The following TERF2IP variants were observed in gnomAD, a reference collection of about 807,000 sequenced individuals.
TERF2IP encodes telomeric repeat-binding factor 2-interacting protein 1.
TERF2IP carries 35 observed loss-of-function variants against 33.3 expected under a neutral mutation model. The ratio of observed to expected loss-of-function variants is 1.05; its 90% confidence interval spans 0.80 to 1.39. The LOEUF (loss-of-function observed/expected upper bound fraction) is 1.39. TERF2IP is among the 40% of genes most tolerant of loss of function. The probability of loss-of-function intolerance (pLI) is 0.00; values close to 1 mark genes in which losing one functional copy is unlikely to be tolerated. For synonymous variants in TERF2IP, 253 were observed against 223.2 expected (o/e 1.13, Z -1.19); for missense variants, 583 against 524.8 (o/e 1.11, Z -1.08).
rs868075435 is a variant in TERF2IP, at chr16:75,648,175, C to A, written c.293C>A (p.Ala98Asp). The change falls in exon 1 of 3, where the codon GCC becomes GAC. Residue 98 changes from alanine (A) to aspartate (D), a missense_variant. Physicochemically the swap from Ala to Asp is moderately radical, Grantham distance 126 (BLOSUM62 -2). Coordinates refer to ENST00000300086, the MANE Select transcript of TERF2IP (RefSeq NM_018975.4). ...CGCAACGAGAGGCTGGAGCTGGAGG[C>A]CTATCGGCTGGGCCCCGCCTCGGCG... The part of the protein sequence containing the change: ...VERNERLELE[A>D]YRLGPASAAD... 1.3e-6 allele frequency: 2 copies of A among 1,563,856 alleles called. No homozygotes were observed.
chr16:75,653,246 G>A (rs1408071423), intron 1 of TERF2IP, among the ~76,000 whole-genome samples: 2 of 152,120 alleles, frequency 1.3e-5, no homozygotes, highest in African/African-American at 4.8e-5. Flanking sequence ...GTATCTGTTT[G>A]AGACCCTGCT....
intron 1 of TERF2IP, among the ~76,000 whole-genome samples, chr16:75,653,719 A>G (rs916876888): frequency 2.0e-5 from 3 of 152,176 alleles, no homozygotes; most frequent in Non-Finnish European, 4.4e-5. Flanking sequence ...TGATATTTGC[A>G]GAGTTACAAA....
Position 75,656,318 on chromosome 16 carries a change from G to GAAGAAA in TERF2IP, c.911_916dup (p.Glu304_Lys305dup), listed in dbSNP as rs755577884. The GAAGAAA allele has an allele frequency of 1.2e-6, 2 of 1,614,166 alleles. No individual in the cohort carries two copies. The highest frequency in any genetic ancestry group is 2.2e-5 in the South Asian group (2 of 91,082). Reference sequence around the variant, plus strand: ...GCCTGATGAGGAGGAAGAAGAAGAAGAAGAAAAAGTTTCTCAACCAGAGGT... The same window carrying GAAGAAA: ...GCCTGATGAGGAGGAAGAAGAAGAAGAAGAAAAAGAAAAAGTTTCTCAACCAGAGGT... On this transcript the variant is annotated inframe_insertion, in exon 3 of 3. Coordinates refer to ENST00000300086, the MANE Select transcript of TERF2IP (RefSeq NM_018975.4).
At chr16:75,651,726 C>T (rs760480473) in intron 1 of TERF2IP, among the ~76,000 whole-genome samples, 1 of 152,220 alleles carries the variant, frequency 6.6e-6, no homozygotes, top group East Asian at 1.9e-4. Context: ...GTAAATCAGA[C>T]CCTGAGCCTA....
chr16:75,654,181 C>CAAAA, intron 1 of TERF2IP, 92 bp from the exon 2 acceptor site: 1 of 879,860 alleles, frequency 1.1e-6, no homozygotes, highest in Non-Finnish European at 1.5e-6. Flanking sequence ...AAAGTGCAGG[C>CAAAA]TCACTCCTGG....
chr16:75,647,798 T>C lies in TERF2IP; in HGVS notation c.-85T>C. 1 of 1,590,382 alleles carries C rather than the reference T, an allele frequency of 6.3e-7. No homozygotes were observed. The highest frequency in any genetic ancestry group is 8.6e-7 in the Non-Finnish European group (1 of 1,161,594). ...AGTGCTGCGCTTCGCGGCAGAGGCGTCTGCGGTGACAGCTCAGTCAGTTGA... is the reference window on the plus strand; with the variant it reads ...AGTGCTGCGCTTCGCGGCAGAGGCGCCTGCGGTGACAGCTCAGTCAGTTGA... On this transcript the variant is annotated 5_prime_UTR_variant, in exon 1 of 3. Transcript: ENST00000300086.
chr16:75,654,970 C>T (rs552455493), intron 2 of TERF2IP, among the ~76,000 whole-genome samples: 3 of 152,144 alleles, frequency 2.0e-5, no homozygotes, highest in Admixed American at 6.5e-5. Flanking sequence ...CCTCGTGATC[C>T]GCCCGCCTTG....
intron 1 of TERF2IP, among the ~76,000 whole-genome samples, chr16:75,652,052 T>C (rs536615917): frequency 6.6e-6 from 1 of 152,300 alleles, no homozygotes; most frequent in East Asian, 1.9e-4. Context: ...TGATGACATT[T>C]ATAACGTATA....
intron 1 of TERF2IP, among the ~76,000 whole-genome samples, chr16:75,650,097 T>A (rs1174860323): frequency 2.6e-5 from 4 of 152,222 alleles, no homozygotes; most frequent in Non-Finnish European, 5.9e-5. Context: ...AGCAGAAATT[T>A]GAGTGCCAGA....
At position 75,657,359 on chromosome 16, in the gene TERF2IP, TA is replaced by T. The variant is rs1184028449; in HGVS notation, c.*754del. 1 of 152,196 alleles carries T rather than the reference TA, an allele frequency of 6.6e-6. No individual in the cohort carries two copies. The highest frequency in any genetic ancestry group is 1.5e-5 in the Non-Finnish European group (1 of 68,028). 9.4% of individuals were successfully genotyped at this position (152,196 alleles called of 1,614,324 possible). ...TTTGTGCTAAGCATTGTGTTAGATTTAAAAAATTAGTGGATTGACTCCACTT... is the reference window on the plus strand; with the variant it reads ...TTTGTGCTAAGCATTGTGTTAGATTTAAAAATTAGTGGATTGACTCCACTT... On this transcript the variant is annotated 3_prime_UTR_variant, in exon 3 of 3. Coordinates refer to ENST00000300086, the MANE Select transcript of TERF2IP (RefSeq NM_018975.4).
rs772559250 is a variant in TERF2IP, at chr16:75,648,186, G to C, written c.304G>C (p.Gly102Arg). ...GCTGGAGCTGGAGGCCTATCGGCTG[G>C]GCCCCGCCTCGGCGGCGGACACCGG... is the stretch of plus-strand genomic sequence containing the variant. ...ERLELEAYRL[G>R]PASAADTGSE... Residue 102 changes from glycine to arginine, a missense_variant, in exon 1 of 3, where the codon GGC becomes CGC. Gly to Arg is a moderately radical substitution (Grantham distance 125). Transcript: ENST00000300086. The C allele has an allele frequency of 3.2e-6, 5 of 1,553,876 alleles. No individual in the cohort carries two copies. In the South Asian group the frequency reaches 4.7e-5, roughly 15 times the overall value.
chr16:75,648,075 G>A lies in TERF2IP; in HGVS notation c.193G>A (p.Ala65Thr), dbSNP rs766581433. Residue 65 changes from alanine to threonine, a missense_variant, in exon 1 of 3, where the codon GCC becomes ACC. Transcript: ENST00000300086. ...RVQEPGAVLL[A>T]QPGEALAEAS... Reference sequence around the variant, plus strand: ...GCAGGAGCCCGGGGCCGTGCTGCTGGCCCAGCCCGGGGAGGCGCTGGCCGA... The same window carrying A: ...GCAGGAGCCCGGGGCCGTGCTGCTGACCCAGCCCGGGGAGGCGCTGGCCGA... 17 of 1,578,498 alleles carry A rather than the reference G, an allele frequency of 1.1e-5. No individual in the cohort carries two copies. The highest frequency in any genetic ancestry group is 1.5e-5 in the Non-Finnish European group (17 of 1,162,202).
Position 75,648,348 on chromosome 16 carries a change from A to G in TERF2IP, c.466A>G (p.Ser156Gly). 2 of 1,594,040 alleles carry G rather than the reference A, an allele frequency of 1.3e-6. No homozygotes were observed. Among genetic ancestry groups the G allele is most frequent in the South Asian group, 2.3e-5 (2 of 87,838 alleles). The change falls in exon 1 of 3, where the codon AGC becomes GGC. Residue 156 changes from serine to glycine, a missense_variant. Transcript: ENST00000300086. ...TYVKENARSP[S>G]SVTGNALWKA... ...CGTGAAGGAAAATGCCCGCTCGCCC[A>G]GCTCCGTCACCGGTAACGCCTTGTG...
At chr16:75,651,174 GATAA>G (rs1470108983) in intron 1 of TERF2IP, among the ~76,000 whole-genome samples, 18 of 152,214 alleles carry the variant, frequency 1.2e-4, no homozygotes, top group African/African-American at 4.1e-4. Flanking sequence ...AACTTCTCAT[GATAA>G]ATAAAGTCAG....
Position 75,648,311 on chromosome 16 carries a change from C to T in TERF2IP, c.429C>T (p.Ala143=), listed in dbSNP as rs1191214639. The change falls in exon 1 of 3, where the codon GCC becomes GCT. Residue 143 remains alanine (A), a synonymous_variant. Coordinates refer to ENST00000300086, the MANE Select transcript of TERF2IP (RefSeq NM_018975.4). ...RIAFTDADDV[A]ILTYVKENAR... is the part of the protein sequence containing the mutation. ...CCTTCACGGATGCGGACGACGTAGC[C>T]ATCCTTACCTACGTGAAGGAAAATG... The T allele has an allele frequency of 2.6e-6, 4 of 1,561,104 alleles. No individual in the cohort carries two copies. Among genetic ancestry groups the T allele is most frequent in the Non-Finnish European group, 2.6e-6 (3 of 1,152,378 alleles).
chr16:75,656,415 C>A lies in TERF2IP; in HGVS notation c.1004C>A (p.Ala335Asp), dbSNP rs1374160022. 1 of 1,614,100 alleles carries A rather than the reference C, an allele frequency of 6.2e-7. No homozygotes were observed. Among genetic ancestry groups the A allele is most frequent in the African/African-American group, 1.3e-5 (1 of 75,024 alleles). Residue 335 changes from alanine to aspartate, a missense_variant, in exon 3 of 3, where the codon GCC becomes GAC. By Grantham distance (126) the Ala-to-Asp change is moderately radical. Coordinates refer to ENST00000300086, the MANE Select transcript of TERF2IP (RefSeq NM_018975.4). ...TTGGATCTATCAACAGTTACACAGG[C>A]CTTCCTAAAAAATAGTGGTGAGCTG... Reference protein sequence around the residue: ...FNLDLSTVTQAFLKNSGELEA... With the variant: ...FNLDLSTVTQDFLKNSGELEA...
intron 1 of TERF2IP, among the ~76,000 whole-genome samples, chr16:75,652,287 T>A (rs2082353511): frequency 6.6e-6 from 1 of 152,250 alleles, no homozygotes; most frequent in Admixed American, 6.5e-5. Flanking sequence ...TTACTTTTTT[T>A]AAACTTAATT....
Position 75,648,209 on chromosome 16 carries a change from C to A in TERF2IP, c.327C>A (p.Thr109=). 6.5e-7 allele frequency: 1 copy of A among 1,547,134 alleles called. No individual in the cohort carries two copies. The highest frequency in any genetic ancestry group is 2.0e-5 in the Admixed American group (1 of 50,276). The change falls in exon 1 of 3, where the codon ACC becomes ACA. Residue 109 remains threonine (T), a synonymous_variant. Coordinates refer to ENST00000300086, the MANE Select transcript of TERF2IP (RefSeq NM_018975.4). ...TGGGCCCCGCCTCGGCGGCGGACAC[C>A]GGCTCGGAAGCAAAGCCCGGGGCCC... ...YRLGPASAAD[T]GSEAKPGALA...
At chr16:75,656,070 C>A in intron 2 of TERF2IP, 137 bp from the exon 3 acceptor site, 1 of 805,544 alleles carries the variant, frequency 1.2e-6, no homozygotes, top group Non-Finnish European at 2.0e-6. Context: ...AGGAACACAG[C>A]ATATTAAGAG....
Sources: allele counts gnomAD v4.1 joint callset (sites outside exome capture counted in the v4.1 genomes callset), GRCh38; gene constraint gnomAD v4.1.1; transcripts MANE v1.5; gene names NCBI Gene and HGNC (gene_info 2026-07-23, HGNC 2026-07-21).